HSPG2: variants seen among roughly 807,000 people sequenced by gnomAD.
The protein encoded by HSPG2 is basement membrane-specific heparan sulfate proteoglycan core protein.
A neutral mutation model predicts 526.6 loss-of-function variants in HSPG2; 278 were observed. The observed-to-expected ratio is 0.53, with a 90% CI of 0.48 to 0.58. HSPG2 has a LOEUF of 0.58. Ranked by LOEUF, HSPG2 falls within the 20% of genes least tolerant of loss-of-function variation. HSPG2 has a pLI of 0.00. For synonymous variants in HSPG2, 2,465 were observed against 2,555.4 expected (o/e 0.96, Z 1.07); for missense variants, 5,354 against 6,099.5 (o/e 0.88, Z 4.07).
Position 21,926,303 on chromosome 1 carries a change from T to C in HSPG2, c.63+10852A>G, listed in dbSNP as rs112358711. ...GTGTCAGCACTCAGGGAACATTGAC[T>C]GGTGACCTATGTGACTGAGGCCACT... On this transcript the variant is annotated intron_variant, in intron 1 of 96. Coordinates refer to ENST00000374695, the MANE Select transcript of HSPG2 (RefSeq NM_005529.7). Among the ~76,000 whole-genome samples the C allele has an allele frequency of 2.3e-3, 347 of 152,276 alleles. 2 individuals carry two copies. The highest frequency in any genetic ancestry group is 7.3e-3 in the African/African-American group (305 of 41,560).
In HSPG2 at chr1:21,865,044, C is replaced by T. The variant is rs139317289; in HGVS notation, c.4425G>A (p.Pro1475=). Residue 1475 remains proline, a synonymous_variant, in exon 36 of 97, where the codon CCG becomes CCA. Transcript: ENST00000374695. The surrounding 1 kb of genome is among the most constrained non-coding windows in gnomAD (Gnocchi z 5.4). Reference sequence around the variant, plus strand: ...CCATCAGGAGGTGCTCGCGTGTGGCCGGCTGCCCATCGGGCCGGCGCCAGA... The same window carrying T: ...CCATCAGGAGGTGCTCGCGTGTGGCTGGCTGCCCATCGGGCCGGCGCCAGA... The part of the protein sequence containing the change: ...EEFWRRPDGQ[P]ATREHLLMAL... The T allele has an allele frequency of 9.6e-6, 15 of 1,569,360 alleles. No homozygotes were observed. The highest frequency in any genetic ancestry group is 2.0e-4 in the Middle Eastern group (1 of 4,952).
At chr1:21,850,625 C>G in intron 55 of HSPG2, 127 bp from the exon 56 acceptor site, 1 of 1,180,386 alleles carries the variant, frequency 8.5e-7, no homozygotes, top group Admixed American at 2.9e-5. Context: ...CTGTCCTTCA[C>G]ATGGGGAAGG....
At chr1:21,933,574 G>A (rs937861651) in intron 1 of HSPG2, among the ~76,000 whole-genome samples, 5 of 152,208 alleles carry the variant, frequency 3.3e-5, no homozygotes, top group Admixed American at 6.5e-5. Context: ...ACCGTCTCCC[G>A]GGCAGGGCTT....
At chr1:21,853,751 A>AAAAAATAAAAT (rs376640227) in intron 50 of HSPG2, 1 of 148,052 alleles carries the variant, frequency 6.8e-6, no homozygotes, top group African/African-American at 2.8e-5. Context: ...TCTCTCTCAA[A>AAAAAATAAAAT]AAAATAAAAT....
At chr1:21,905,343 A>G (rs974479592) in intron 1 of HSPG2, among the ~76,000 whole-genome samples, 1 of 152,060 alleles carries the variant, frequency 6.6e-6, no homozygotes, top group African/African-American at 2.4e-5. Flanking sequence ...AAATAGCCAC[A>G]TGCATCCTCT....
chr1:21,916,359 G>A lies in HSPG2; in HGVS notation c.64-20049C>T, dbSNP rs540723368. ...TATTAGTAATACAAAAACACAATTA[G>A]TCAGGCGTGGTGGCGTGCACCTGTA... On this transcript the variant is annotated intron_variant, in intron 1 of 96. Coordinates refer to ENST00000374695, the MANE Select transcript of HSPG2 (RefSeq NM_005529.7). Among the ~76,000 whole-genome samples the A allele has an allele frequency of 9.9e-5, 15 of 152,240 alleles. No individual in the cohort carries two copies. In the Middle Eastern group the frequency reaches 0.01, roughly 104 times the overall value.
Position 21,935,112 on chromosome 1 carries a change from G to T in HSPG2, c.63+2043C>A, listed in dbSNP as rs78884390. On this transcript the variant is annotated intron_variant, in intron 1 of 96. Transcript: ENST00000374695. ...AGTACAGATGGGGTTTCACTATGTTGGCCAGGCTGGTCTCAAACTCCTGAC... is the reference window on the plus strand; with the variant it reads ...AGTACAGATGGGGTTTCACTATGTTTGCCAGGCTGGTCTCAAACTCCTGAC... 5.8e-3 allele frequency among the ~76,000 whole-genome samples: 884 copies of T among 151,284 alleles called. 9 individuals carry two copies. The highest frequency in any genetic ancestry group is 0.02 in the African/African-American group (834 of 41,114).
chr1:21,908,658 T>C (rs1643506461), intron 1 of HSPG2: 2 of 583,242 alleles, frequency 3.4e-6, no homozygotes, highest in Non-Finnish European at 3.0e-6. Flanking sequence ...TTTGTTATTT[T>C]GATTAAAATA....
chr1:21,896,089 C>G lies in HSPG2; in HGVS notation c.199+86G>C. On this transcript the variant is annotated intron_variant, in intron 2 of 96. Coordinates refer to ENST00000374695, the MANE Select transcript of HSPG2 (RefSeq NM_005529.7). ...CAGGGTTGAGAAAGCTCGGAATGGTCGGTCACCCTCCTCCCCCATGCCAGT... is the reference window on the plus strand; with the variant it reads ...CAGGGTTGAGAAAGCTCGGAATGGTGGGTCACCCTCCTCCCCCATGCCAGT... 4.4e-6 allele frequency: 7 copies of G among 1,604,424 alleles called. No individual in the cohort carries two copies. In the South Asian group the frequency reaches 5.5e-5, roughly 13 times the overall value.
rs1254646138 is a variant in HSPG2 at position 21,857,388 on chromosome 1, G to A, written c.5294-3C>T. ...TGTGATGGGCTTGCTTGGAGCCTCT[G>A]CAGGGACGGGAAGCCCCCCTGTGAG... On this transcript the variant is annotated splice_region_variant and splice_polypyrimidine_tract_variant and intron_variant, in intron 42 of 96. Coordinates refer to ENST00000374695, the MANE Select transcript of HSPG2 (RefSeq NM_005529.7). 2.5e-6 allele frequency: 4 copies of A among 1,613,184 alleles called. No individual in the cohort carries two copies. The highest frequency in any genetic ancestry group is 3.4e-6 in the Non-Finnish European group (4 of 1,179,806).
At position 21,823,467 on chromosome 1, in the gene HSPG2, G is replaced by A. The variant is rs772087950; in HGVS notation, c.13025C>T (p.Thr4342Met). The change falls in exon 97 of 97, where the codon ACG (threonine) becomes ATG (methionine). Residue 4342 changes from threonine (T) to methionine (M), a missense_variant. By Grantham distance (81) the Thr-to-Met change is moderately conservative. Transcript: ENST00000374695. ...VYIGGAPDVA[T>M]LTGGRFSSGI... ...TGAGGAGAATCTGCCCCCGGTCAGC[G>A]TGGCCACGTCAGGGGCTCCGCCTGC... 6.9e-6 allele frequency: 11 copies of A among 1,598,594 alleles called. No individual in the cohort carries two copies. The highest frequency in any genetic ancestry group is 4.0e-5 in the African/African-American group (3 of 74,832).
In HSPG2 at chr1:21,865,744, T is replaced by G; in HGVS notation, c.4287A>C (p.Pro1429=). The G allele has an allele frequency of 6.2e-7, 1 of 1,613,620 alleles. No homozygotes were observed. Among genetic ancestry groups the G allele is most frequent in the Non-Finnish European group, 8.5e-7 (1 of 1,179,926 alleles). ...LSYTAGPQGS[P]LSDPDVQITG... ...TGATCTGCACATCGGGGTCAGAGAG[T>G]GGGCTGCCCTGTGGGCCTGCTGTGT... is the stretch of plus-strand genomic sequence containing the variant. The change falls in exon 34 of 97, where the codon CCA becomes CCC. Residue 1429 remains proline, a synonymous_variant. Coordinates refer to ENST00000374695, the MANE Select transcript of HSPG2 (RefSeq NM_005529.7). The surrounding 1 kb of genome is among the most constrained non-coding windows in gnomAD (Gnocchi z 5.4).
rs1051082456 is a variant in HSPG2 at position 21,829,459 on chromosome 1, C to T, written c.11916G>A (p.Lys3972=). 3 of 1,613,364 alleles carry T rather than the reference C, an allele frequency of 1.9e-6. No homozygotes were observed. Among genetic ancestry groups the T allele is most frequent in the Admixed American group, 1.7e-5 (1 of 60,022 alleles). Residue 3972 remains lysine, a synonymous_variant, in exon 87 of 97, where the codon AAG becomes AAA. Coordinates refer to ENST00000374695, the MANE Select transcript of HSPG2 (RefSeq NM_005529.7). ...ACACGAAGTCCTCCACAGGCCCGCT[C>T]TTCCCCCCGCTGAACAGCAGGACCC... The part of the protein sequence containing the change: ...PDGVLLFSGG[K]SGPVEDFVSL...
At chr1:21,846,862 C>T (rs1376868959) in intron 62 of HSPG2, among the ~76,000 whole-genome samples, 1 of 151,876 alleles carries the variant, frequency 6.6e-6, no homozygotes, top group East Asian at 1.9e-4. Flanking sequence ...TAGCCGGGCA[C>T]GGTGGCATGT....
At chr1:21,853,278 A>G (rs1452172037) in intron 50 of HSPG2, among the ~76,000 whole-genome samples, 2 of 152,152 alleles carry the variant, frequency 1.3e-5, no homozygotes, top group Non-Finnish European at 1.5e-5. Context: ...CTGGAGGCCC[A>G]TTGACCCACC....
At chr1:21,930,386 G>A (rs1261198341) in intron 1 of HSPG2, among the ~76,000 whole-genome samples, 1 of 152,176 alleles carries the variant, frequency 6.6e-6, no homozygotes, top group African/African-American at 2.4e-5. Context: ...ACCACCTGAT[G>A]TATTTCATTT....
Position 21,876,228 on chromosome 1 carries a change from C to G in HSPG2, c.3003+1G>C. On this transcript the variant is annotated splice_donor_variant, in intron 23 of 96. Coordinates refer to ENST00000374695, the MANE Select transcript of HSPG2 (RefSeq NM_005529.7). LOFTEE classifies it high-confidence loss of function. Reference sequence around the variant, plus strand: ...CCTTTGCCTTTCCACCCACTACCCACCTTGTCCCCCAGGAAGCGTGAAGGG... The same window carrying G: ...CCTTTGCCTTTCCACCCACTACCCAGCTTGTCCCCCAGGAAGCGTGAAGGG... 13 of 1,604,346 alleles carry G rather than the reference C, an allele frequency of 8.1e-6. No homozygotes were observed. Among genetic ancestry groups the G allele is most frequent in the Non-Finnish European group, 1.1e-5 (13 of 1,175,284 alleles).
intron 1 of HSPG2, among the ~76,000 whole-genome samples, chr1:21,903,353 C>T (rs1460840920): frequency 6.6e-6 from 1 of 152,218 alleles, no homozygotes; most frequent in Non-Finnish European, 1.5e-5. Flanking sequence ...GTAGTCCCCG[C>T]ACTTTGGGAG....
In HSPG2 at chr1:21,931,345, G is replaced by A. The variant is rs533341097; in HGVS notation, c.63+5810C>T. On this transcript the variant is annotated intron_variant, in intron 1 of 96. Transcript: ENST00000374695. ...CAGTCAGCCAGCTCTGGGTGCTGGGGCAGCTGGCCCCGGGAGCAGGAGGGG... is the reference window on the plus strand; with the variant it reads ...CAGTCAGCCAGCTCTGGGTGCTGGGACAGCTGGCCCCGGGAGCAGGAGGGG... 9.2e-5 allele frequency among the ~76,000 whole-genome samples: 14 copies of A among 152,372 alleles called. No individual in the cohort carries two copies. In the South Asian group the frequency reaches 2.9e-3, roughly 32 times the overall value.
Sources: gnomAD v4.1 joint callset for allele counts (sites outside exome capture counted in the v4.1 genomes callset) on GRCh38, gnomAD v4.1.1 for gene constraint, Gnocchi (gnomAD v3.1) non-coding constraint, MANE v1.5 for transcripts, NCBI Gene and HGNC (gene_info 2026-07-23, HGNC 2026-07-21) for gene names.